Variants in ACTR3C observed in about 807,000 individuals in gnomAD.
ACTR3C encodes actin-related protein 3C.
A neutral mutation model predicts 26.3 loss-of-function variants in ACTR3C; 18 were observed. The ratio of observed to expected loss-of-function variants is 0.68; its 90% CI spans 0.47 to 1.01. The LOEUF is 1.01. Among genes scored for constraint, ACTR3C ranks in the 50% least tolerant of loss-of-function variants. The pLI, the probability that ACTR3C is intolerant of heterozygous loss-of-function variation, is 0.00. For missense variants in ACTR3C, 184 were observed against 250.7 expected, an observed-to-expected ratio of 0.73 and a Z score of 1.80; for synonymous variants, 55 against 94.5, an observed-to-expected ratio of 0.58 and a Z score of 2.42.
chr7:150,090,682 T>C, the ACTR3C span, among the ~76,000 whole-genome samples: 716 of 147,140 alleles, frequency 4.9e-3, 12 homozygotes, highest in African/African-American at 0.017. Flanking sequence ...CTACTTTTAA[T>C]TACCTATGTG....
At chr7:150,229,377 AGTTTTTATCATTAATGGGTGCTG>A in the ACTR3C span, among the ~76,000 whole-genome samples, 1 of 152,112 alleles carries the variant, frequency 6.6e-6, no homozygotes, top group African/African-American at 2.4e-5. Context: ...ATTTTCTGAA[AGTTTTTATCATTAATGGGTGCTG>A]GTTTTTATCA....
At chr7:150,078,683 C>T in the ACTR3C span, among the ~76,000 whole-genome samples, 5 of 152,130 alleles carry the variant, frequency 3.3e-5, no homozygotes, top group Non-Finnish European at 7.3e-5. Flanking sequence ...ACTTGACCAG[C>T]CAATGGGATG....
At chr7:149,909,752 G>C in the ACTR3C span, 1 of 351,232 alleles carries the variant, frequency 2.8e-6, no homozygotes, top group South Asian at 8.1e-5. Context: ...TAATACTCTC[G>C]TCTATATTGG....
At chr7:150,198,126 G>A in the ACTR3C span, among the ~76,000 whole-genome samples, 16 of 151,458 alleles carry the variant, frequency 1.1e-4, 1 homozygote, top group African/African-American at 2.7e-4. Flanking sequence ...GATTGCAGAC[G>A]GAGTCTGGTT....
the ACTR3C span, among the ~76,000 whole-genome samples, chr7:150,186,267 GAAGT>G: frequency 1.3e-5 from 2 of 152,184 alleles, no homozygotes; most frequent in Admixed American, 6.5e-5. Context: ...AATGTTTCAA[GAAGT>G]AATTATAATA....
At chr7:150,164,975 C>G in the ACTR3C span, among the ~76,000 whole-genome samples, 2 of 152,302 alleles carry the variant, frequency 1.3e-5, no homozygotes, top group South Asian at 4.1e-4. Context: ...GGGGCCCCCT[C>G]TGTGGCGGAT....
At chr7:150,042,623 G>T in the ACTR3C span, among the ~76,000 whole-genome samples, 2 of 151,124 alleles carry the variant, frequency 1.3e-5, no homozygotes, top group Non-Finnish European at 2.9e-5. Context: ...GAGCCAGGGG[G>T]TAAGAGGGGA....
chr7:150,139,799 G>A, the ACTR3C span, among the ~76,000 whole-genome samples: 6 of 152,088 alleles, frequency 3.9e-5, no homozygotes, highest in African/African-American at 1.4e-4. Context: ...TCCTCCCTTT[G>A]GATAGCCAAC....
At chr7:150,260,333 T>G (rs538052063) in intron 6 of ACTR3C, among the ~76,000 whole-genome samples, 1 of 152,206 alleles carries the variant, frequency 6.6e-6, no homozygotes, top group African/African-American at 2.4e-5. Flanking sequence ...TTCTGTTTGA[T>G]TACAAGTATG....
the ACTR3C span, among the ~76,000 whole-genome samples, chr7:150,120,884 C>T: frequency 6.6e-6 from 1 of 152,136 alleles, no homozygotes; most frequent in Admixed American, 6.5e-5. Context: ...AAAACTTATC[C>T]ACCATGATCA....
At chr7:150,231,428 C>A in the ACTR3C span, among the ~76,000 whole-genome samples, 1 of 151,518 alleles carries the variant, frequency 6.6e-6, no homozygotes, top group Non-Finnish European at 1.5e-5. Context: ...AGCCTGACCC[C>A]TCCCTCTTCT....
the ACTR3C span, among the ~76,000 whole-genome samples, chr7:150,044,233 A>T: frequency 2.6e-5 from 4 of 152,228 alleles, no homozygotes; most frequent in African/African-American, 9.6e-5. Context: ...TCAGTATTTT[A>T]AAATTAGCCA....
At chr7:150,280,777 T>C (rs1388034460) in intron 6 of ACTR3C, among the ~76,000 whole-genome samples, 4 of 150,972 alleles carry the variant, frequency 2.6e-5, no homozygotes, top group Non-Finnish European at 5.9e-5. Flanking sequence ...ACCTTAAATA[T>C]GCACAATTTT....
At chr7:150,132,325 C>A in the ACTR3C span, among the ~76,000 whole-genome samples, 1 of 152,252 alleles carries the variant, frequency 6.6e-6, no homozygotes, top group Admixed American at 6.5e-5. Flanking sequence ...ATGCTAAAAA[C>A]CAAAATATTG....
intron 5 of ACTR3C, among the ~76,000 whole-genome samples, chr7:150,285,105 A>G (rs952289179): frequency 3.3e-5 from 5 of 152,118 alleles, no homozygotes; most frequent in Non-Finnish European, 5.9e-5. Flanking sequence ...GACCACCCCC[A>G]CCCCATGAAT....
At chr7:150,110,530 G>A in the ACTR3C span, among the ~76,000 whole-genome samples, 7 of 101,076 alleles carry the variant, frequency 6.9e-5, no homozygotes, top group African/African-American at 2.7e-4. Flanking sequence ...GGGGCTGGAA[G>A]AGGGTGGGGC....
intron 4 of ACTR3C, among the ~76,000 whole-genome samples, chr7:150,289,073 T>C (rs1836007057): frequency 1.3e-5 from 2 of 151,906 alleles, no homozygotes; most frequent in East Asian, 3.9e-4. Flanking sequence ...TAGCTCTGGA[T>C]CCTAGGTTGG....
At chr7:150,300,375 A>G (rs999317605) in intron 1 of ACTR3C, among the ~76,000 whole-genome samples, 1 of 152,158 alleles carries the variant, frequency 6.6e-6, no homozygotes, top group Admixed American at 6.5e-5. Flanking sequence ...ACAAAAAAAG[A>G]AAGAACAAAA....
chr7:150,149,408 A>G, the ACTR3C span, among the ~76,000 whole-genome samples: 7 of 151,592 alleles, frequency 4.6e-5, no homozygotes, highest in Admixed American at 6.6e-5. Flanking sequence ...GGTTTATTAC[A>G]TAGGTATACG....
Sources: gnomAD v4.1 joint callset for allele counts (sites outside exome capture counted in the v4.1 genomes callset) on GRCh38, gnomAD v4.1.1 for gene constraint, MANE v1.5 for transcripts, NCBI Gene and HGNC (gene_info 2026-07-23, HGNC 2026-07-21) for gene names.